The following PTPRD variants were observed in gnomAD, a reference collection of about 807,000 sequenced individuals.
PTPRD encodes the protein receptor-type tyrosine-protein phosphatase delta.
Under a neutral mutation model 214.5 loss-of-function variants are expected in PTPRD, and 34 were observed. The observed-to-expected ratio is 0.16, with a 90% CI of 0.12 to 0.21. PTPRD has a LOEUF of 0.21. Ranked by LOEUF, PTPRD falls within the 10% of genes least tolerant of loss-of-function variation. The probability of loss-of-function intolerance (pLI) is 1.00; values close to 1 mark genes in which losing one functional copy is unlikely to be tolerated. For missense variants in PTPRD, 2,545 were observed against 2,398.7 expected, an observed-to-expected ratio of 1.06 and a Z score of -1.27; for synonymous variants, 1,128 against 845.7, an observed-to-expected ratio of 1.33 and a Z score of -5.79.
At chr9:8,885,527 G>A (rs986746401) in intron 11 of PTPRD, among the ~76,000 whole-genome samples, 21 of 115,040 alleles carry the variant, frequency 1.8e-4, no homozygotes, top group Admixed American at 1.3e-3. Context: ...ACCAAGTCTC[G>A]CTCTTGTCAC....
chr9:9,128,647 G>C lies in PTPRD; in HGVS notation c.-143+54657C>G, dbSNP rs1385074710. ...CTTTCTGAATATCATACGACTTTTT[G>C]AGTGTTCATGTATACAATACTTGTG... On this transcript the variant is annotated intron_variant, in intron 10 of 45. Coordinates refer to ENST00000381196, the MANE Select transcript of PTPRD (RefSeq NM_002839.4). Among the ~76,000 whole-genome samples, 4 of 152,162 alleles carry C rather than the reference G, an allele frequency of 2.6e-5. No homozygotes were observed. In the East Asian group the frequency reaches 7.7e-4, roughly 29 times the overall value.
At chr9:9,209,850 A>C (rs931301358) in intron 9 of PTPRD, among the ~76,000 whole-genome samples, 7 of 152,136 alleles carry the variant, frequency 4.6e-5, no homozygotes. Flanking sequence ...TGCTGACAGA[A>C]GATATGAAAC....
intron 7 of PTPRD, among the ~76,000 whole-genome samples, chr9:9,583,178 A>G (rs2091204756): frequency 6.6e-6 from 1 of 152,038 alleles, no homozygotes; most frequent in South Asian, 2.1e-4. Context: ...TACTCCTTCA[A>G]AAAGTATACA....
At chr9:9,433,034 G>C (rs1361927628) in intron 8 of PTPRD, among the ~76,000 whole-genome samples, 1 of 152,126 alleles carries the variant, frequency 6.6e-6, no homozygotes, top group African/African-American at 2.4e-5. Flanking sequence ...GAATGCAAGC[G>C]TGTGTATAAG....
At chr9:8,697,667 C>T (rs2154388515) in intron 12 of PTPRD, among the ~76,000 whole-genome samples, 1 of 132,580 alleles carries the variant, frequency 7.5e-6, no homozygotes, top group Middle Eastern at 3.9e-3. Context: ...AAGTAATCCA[C>T]CTGCCTTGGC....
At chr9:10,577,344 C>A (rs1284131717) in intron 2 of PTPRD, among the ~76,000 whole-genome samples, 1 of 152,148 alleles carries the variant, frequency 6.6e-6, no homozygotes, top group Non-Finnish European at 1.5e-5. Flanking sequence ...TGTCTGTCAT[C>A]ACTGCTGAGC....
intron 4 of PTPRD, among the ~76,000 whole-genome samples, chr9:9,986,132 G>T (rs892613219): frequency 6.6e-6 from 1 of 152,062 alleles, no homozygotes; most frequent in Non-Finnish European, 1.5e-5. Flanking sequence ...AGCTGGTTGG[G>T]GAGAACAAGC....
At chr9:9,717,505 G>C (rs2097855775) in intron 7 of PTPRD, among the ~76,000 whole-genome samples, 1 of 152,110 alleles carries the variant, frequency 6.6e-6, no homozygotes, top group South Asian at 2.1e-4. Context: ...TTCAATGTAA[G>C]CATATATAAA....
chr9:9,875,567 T>C (rs1051411746), intron 5 of PTPRD, among the ~76,000 whole-genome samples: 1 of 152,132 alleles, frequency 6.6e-6, no homozygotes, highest in African/African-American at 2.4e-5. Context: ...TATTGTAGGT[T>C]AACTATTAGA....
intron 5 of PTPRD, among the ~76,000 whole-genome samples, chr9:9,891,372 C>G (rs563673568): frequency 6.7e-6 from 1 of 149,014 alleles, no homozygotes; most frequent in Non-Finnish European, 1.5e-5. Context: ...GGAAAACATA[C>G]ACTTTTTTTT....
intron 3 of PTPRD, among the ~76,000 whole-genome samples, chr9:10,317,108 G>A (rs937683631): frequency 6.6e-6 from 1 of 151,828 alleles, no homozygotes; most frequent in Non-Finnish European, 1.5e-5. Flanking sequence ...TTGTGACACT[G>A]GCTATTGAGC....
intron 3 of PTPRD, among the ~76,000 whole-genome samples, chr9:10,097,581 T>G (rs922740035): frequency 2.0e-5 from 3 of 151,824 alleles, no homozygotes; most frequent in Admixed American, 2.0e-4. Context: ...TTTTTGCACA[T>G]TGATTTTGTA....
intron 7 of PTPRD, among the ~76,000 whole-genome samples, chr9:9,619,439 T>C (rs752924261): frequency 6.7e-6 from 1 of 149,690 alleles, no homozygotes; most frequent in African/African-American, 2.4e-5. Flanking sequence ...TTAATATATA[T>C]CTATATAAGC....
At chr9:8,920,111 T>C (rs2098816969) in intron 11 of PTPRD, among the ~76,000 whole-genome samples, 1 of 151,980 alleles carries the variant, frequency 6.6e-6, no homozygotes, top group South Asian at 2.1e-4. Flanking sequence ...GAGACCGAGG[T>C]GGTCAGATTG....
chr9:9,427,557 G>C (rs1363946566), intron 8 of PTPRD, among the ~76,000 whole-genome samples: 1 of 152,012 alleles, frequency 6.6e-6, no homozygotes, highest in Non-Finnish European at 1.5e-5. Flanking sequence ...AGGAAACACA[G>C]AAAATGCCAC....
At chr9:8,408,766 C>T (rs192505588) in intron 35 of PTPRD, among the ~76,000 whole-genome samples, 119 of 152,208 alleles carry the variant, frequency 7.8e-4, no homozygotes, top group African/African-American at 2.7e-3. Flanking sequence ...CACTTGACTC[C>T]TCCTCCCCAC....
intron 12 of PTPRD, among the ~76,000 whole-genome samples, chr9:8,639,763 G>A (rs1174724727): frequency 6.6e-6 from 1 of 152,170 alleles, no homozygotes; most frequent in Admixed American, 6.5e-5. Flanking sequence ...AGCTCATCTG[G>A]AAATAACTGG....
chr9:8,330,533 G>A (rs941305061), intron 44 of PTPRD, among the ~76,000 whole-genome samples: 1 of 150,448 alleles, frequency 6.6e-6, no homozygotes, highest in African/African-American at 2.5e-5. Context: ...AAGCTCTTTG[G>A]TTGGTTTGCA....
intron 5 of PTPRD, among the ~76,000 whole-genome samples, chr9:9,930,344 G>A (rs2086028265): frequency 6.6e-6 from 1 of 152,170 alleles, no homozygotes; most frequent in African/African-American, 2.4e-5. Flanking sequence ...GGGCAAGAAT[G>A]GACCTGGAAA....
Sources: gnomAD v4.1 joint callset for allele counts (sites outside exome capture counted in the v4.1 genomes callset) on GRCh38, gnomAD v4.1.1 for gene constraint, MANE v1.5 for transcripts, NCBI Gene and HGNC (gene_info 2026-07-23, HGNC 2026-07-21) for gene names.